The following ANO10 variants were observed in gnomAD, a reference collection of about 807,000 sequenced individuals.
ANO10 encodes anoctamin 10, also known as anoctamin-10.
A neutral mutation model predicts 74.7 loss-of-function variants in ANO10; 77 were observed. That is an observed-to-expected ratio of 1.03 (90% CI 0.86 to 1.25). The LOEUF is 1.25. Ranked by LOEUF, ANO10 falls within the 50% of genes most tolerant of loss-of-function variation. The pLI, the probability that ANO10 is intolerant of heterozygous loss-of-function variation, is 0.00. For missense variants in ANO10, 721 were observed against 778.1 expected (o/e 0.93, Z 0.87); for synonymous variants, 279 against 284.9 (o/e 0.98, Z 0.21).
At chr3:43,376,013 C>T (rs59113361) in intron 12 of ANO10, among the ~76,000 whole-genome samples, 3,728 of 152,222 alleles carry the variant, frequency 0.024, 163 homozygotes, top group African/African-American at 0.084. Context: ...TGGAAGGAGC[C>T]CCTTGGTGGT....
chr3:43,513,513 A>AT (rs547865878), intron 11 of ANO10, among the ~76,000 whole-genome samples: 3 of 151,546 alleles, frequency 2.0e-5, no homozygotes, highest in African/African-American at 4.8e-5. Flanking sequence ...ACTTCTATGA[A>AT]TTTTTTTTTC....
chr3:43,662,536 A>C (rs1469457104), intron 1 of ANO10, among the ~76,000 whole-genome samples: 1 of 152,230 alleles, frequency 6.6e-6, no homozygotes, highest in Non-Finnish European at 1.5e-5. Flanking sequence ...AACAGCTAGC[A>C]GAAGACAAGA....
chr3:43,543,138 T>C (rs548693763), intron 11 of ANO10, among the ~76,000 whole-genome samples: 7 of 152,280 alleles, frequency 4.6e-5, no homozygotes, highest in Admixed American at 4.6e-4. Context: ...TCTCCCTCTG[T>C]TTCTCTCTCT....
chr3:43,687,651 G>A (rs191562498), intron 1 of ANO10, among the ~76,000 whole-genome samples: 20 of 152,292 alleles, frequency 1.3e-4, no homozygotes, highest in African/African-American at 4.3e-4. Context: ...AGGTACTGGC[G>A]ATCTCCAAAT....
At chr3:43,636,013 T>C (rs1195414980) in intron 1 of ANO10, among the ~76,000 whole-genome samples, 1 of 147,046 alleles carries the variant, frequency 6.8e-6, no homozygotes. Context: ...AACAAACAAG[T>C]AAAAAAAACA....
chr3:43,682,602 C>T lies in ANO10; in HGVS notation c.-12+8915G>A, dbSNP rs140648814. The stretch of plus-strand genomic sequence containing the variant: ...TTATGAGGCCAGCATCATCCTGATA[C>T]CAAAGCCTGGCAGAGACACAACAAA... On this transcript the variant is annotated intron_variant, in intron 1 of 3. Coordinates refer to the ANO10 transcript ENST00000413397. Among the ~76,000 whole-genome samples, 474 of 152,276 alleles carry T rather than the reference C, an allele frequency of 3.1e-3. 4 individuals carry two copies. Among genetic ancestry groups the T allele is most frequent in the African/African-American group, 0.011 (460 of 41,546 alleles).
chr3:43,605,658 C>T (rs914932309), intron 2 of ANO10, 56 bp downstream of exon 2: 15 of 1,592,386 alleles, frequency 9.4e-6, no homozygotes, highest in Non-Finnish European at 1.3e-5. Context: ...GTGTGGGAGG[C>T]TGAGCATACA....
intron 5 of ANO10, among the ~76,000 whole-genome samples, chr3:43,578,875 G>A (rs182480713): frequency 2.0e-5 from 3 of 149,716 alleles, no homozygotes; most frequent in Non-Finnish European, 3.0e-5. Context: ...GTTGTTAAGT[G>A]TAATATAAAA....
At chr3:43,447,166 TTCC>T (rs1305711616) in intron 11 of ANO10, among the ~76,000 whole-genome samples, 1 of 152,192 alleles carries the variant, frequency 6.6e-6, no homozygotes, top group East Asian at 1.9e-4. Flanking sequence ...TGCAATAAAT[TTCC>T]TCCAACATTT....
At chr3:43,424,257 A>G (rs1369289790) in intron 12 of ANO10, among the ~76,000 whole-genome samples, 1 of 152,120 alleles carries the variant, frequency 6.6e-6, no homozygotes, top group East Asian at 1.9e-4. Flanking sequence ...GATCTAACCA[A>G]CTCCATCTTG....
chr3:43,442,391 A>G (rs575919717), intron 11 of ANO10, among the ~76,000 whole-genome samples: 1 of 152,128 alleles, frequency 6.6e-6, no homozygotes, highest in Admixed American at 6.5e-5. Context: ...CTAACAATGA[A>G]CAATTTGAAA....
chr3:43,555,522 C>T, intron 9 of ANO10, 53 bp from the exon 10 acceptor site: 3 of 1,557,300 alleles, frequency 1.9e-6, no homozygotes, highest in Admixed American at 1.7e-5. Flanking sequence ...TAGGAATATC[C>T]TTTTGCAATA....
chr3:43,444,355 T>C (rs2093209422), intron 11 of ANO10, among the ~76,000 whole-genome samples: 3 of 152,168 alleles, frequency 2.0e-5, no homozygotes, highest in African/African-American at 7.2e-5. Flanking sequence ...GCAGATCTGA[T>C]GATGGTGAAA....
At chr3:43,506,182 C>G (rs1350103016) in intron 11 of ANO10, among the ~76,000 whole-genome samples, 1 of 152,156 alleles carries the variant, frequency 6.6e-6, no homozygotes, top group Non-Finnish European at 1.5e-5. Flanking sequence ...TAACGTCATC[C>G]TTGTCTCAGA....
intron 12 of ANO10, among the ~76,000 whole-genome samples, chr3:43,422,522 A>C (rs759955054): frequency 7.2e-5 from 11 of 152,212 alleles, no homozygotes; most frequent in Non-Finnish European, 1.3e-4. Context: ...GACATCTGTG[A>C]AAATGGTCCC....
At chr3:43,686,795 A>G (rs1378511217) in intron 1 of ANO10, among the ~76,000 whole-genome samples, 1 of 152,180 alleles carries the variant, frequency 6.6e-6, no homozygotes, top group Admixed American at 6.5e-5. Flanking sequence ...ATCATTACAG[A>G]ATGTTCTAAC....
chr3:43,668,914 T>A (rs1426451686), intron 1 of ANO10, among the ~76,000 whole-genome samples: 1 of 152,222 alleles, frequency 6.6e-6, no homozygotes, highest in Non-Finnish European at 1.5e-5. Flanking sequence ...ATTAATTACA[T>A]TTACATAATT....
intron 8 of ANO10, 98 bp downstream of exon 8, chr3:43,565,551 ATTTT>A (rs1002860092): frequency 1.8e-5 from 18 of 973,562 alleles, no homozygotes; most frequent in Non-Finnish European, 2.8e-5. Flanking sequence ...AATTTAAAAG[ATTTT>A]ATTTGTAAAA....
intron 1 of ANO10, among the ~76,000 whole-genome samples, chr3:43,607,556 C>G (rs929146561): frequency 6.6e-6 from 1 of 152,084 alleles, no homozygotes; most frequent in South Asian, 2.1e-4. Flanking sequence ...CCACTTTGAA[C>G]TGGGATCTGA....
Sources: allele counts gnomAD v4.1 joint callset (sites outside exome capture counted in the v4.1 genomes callset), GRCh38; gene constraint gnomAD v4.1.1; transcripts MANE v1.5; gene names NCBI Gene and HGNC (gene_info 2026-07-23, HGNC 2026-07-21).